Variants in TMEM233 observed in about 807,000 individuals in gnomAD.
TMEM233 encodes the protein transmembrane protein 233, also known as dispanin subfamily B member 2.
TMEM233 carries 6 observed loss-of-function variants against 11.2 expected under a neutral mutation model. The observed-to-expected ratio is 0.54, with a 90% CI of 0.29 to 1.06. The LOEUF (loss-of-function observed/expected upper bound fraction) is 1.06, where lower values mean the gene tolerates loss of function less well. Among genes scored for constraint, TMEM233 ranks in the 50% least tolerant of loss-of-function variants. The probability of loss-of-function intolerance (pLI) is 0.08; values close to 1 mark genes in which losing one functional copy is unlikely to be tolerated. For missense variants in TMEM233, 127 were observed against 144.7 expected, an observed-to-expected ratio of 0.88 and a Z score of 0.63; for synonymous variants, 59 against 55.8, an observed-to-expected ratio of 1.06 and a Z score of -0.26.
the TMEM233 span, among the ~76,000 whole-genome samples, chr12:119,648,517 A>G: frequency 6.6e-6 from 1 of 152,240 alleles, no homozygotes; most frequent in African/African-American, 2.4e-5. Flanking sequence ...CAACGTTTCA[A>G]GAACATGAGG....
chr12:119,601,772 T>C (rs1463562276), intron 1 of TMEM233, among the ~76,000 whole-genome samples: 1 of 150,770 alleles, frequency 6.6e-6, no homozygotes, highest in Non-Finnish European at 1.5e-5. Flanking sequence ...GAGAGAAAAA[T>C]AAAGACATTT....
chr12:119,615,156 G>A, intron 1 of TMEM233, among the ~76,000 whole-genome samples: 1 of 110,920 alleles, frequency 9.0e-6, no homozygotes, highest in Admixed American at 1.1e-4. Flanking sequence ...TCAGGTCTCA[G>A]TCTACCCGCT....
At chr12:119,629,975 A>G (rs889797502) in intron 2 of TMEM233, 103 bp downstream of exon 2, 4 of 1,274,060 alleles carry the variant, frequency 3.1e-6, no homozygotes, top group Non-Finnish European at 4.2e-6. Flanking sequence ...AACAACCCCA[A>G]GCCAAAGGGT....
chr12:119,618,394 G>A (rs758251083), intron 1 of TMEM233, among the ~76,000 whole-genome samples: 73 of 152,278 alleles, frequency 4.8e-4, no homozygotes, highest in Non-Finnish European at 2.8e-4. Flanking sequence ...TGAGAAGAGG[G>A]CCACTGTCCT....
Position 119,626,472 on chromosome 12 carries a change from GA to G in TMEM233, c.187-3250del, listed in dbSNP as rs750511494. Among the ~76,000 whole-genome samples the G allele has an allele frequency of 1.3e-3, 31 of 24,138 alleles. 1 individual carries two copies. The highest frequency in any genetic ancestry group is 4.9e-3 in the East Asian group (5 of 1,022). The allele number at this position is 24,138 out of a possible 152,430, so 15.8% of individuals were successfully genotyped here. On this transcript the variant is annotated intron_variant, in intron 1 of 2. Transcript: ENST00000426426. ...GAAACAAAGCAAGACTCCGTCTCCGGAAAAAAAAAAAAAAGAAGAAAAAGGA... is the reference window on the plus strand; with the variant it reads ...GAAACAAAGCAAGACTCCGTCTCCGGAAAAAAAAAAAAAGAAGAAAAAGGA...
At chr12:119,644,887 A>G (rs1388977910), downstream of TMEM233, among the ~76,000 whole-genome samples, 1 of 152,218 alleles carries the variant, frequency 6.6e-6, no homozygotes, top group Non-Finnish European at 1.5e-5. Flanking sequence ...GCTGGTGGAA[A>G]TTCCAGAATG....
intron 2 of TMEM233, among the ~76,000 whole-genome samples, chr12:119,632,524 A>C (rs898068201): frequency 6.6e-6 from 1 of 152,208 alleles, no homozygotes; most frequent in African/African-American, 2.4e-5. Flanking sequence ...ATGTGTGATG[A>C]GTCAGGGCTA....
chr12:119,648,441 G>A, the TMEM233 span, among the ~76,000 whole-genome samples: 1 of 152,086 alleles, frequency 6.6e-6, no homozygotes, highest in East Asian at 1.9e-4. Context: ...CCTTCCTCCT[G>A]GCTAATGTCC....
At chr12:119,606,314 AACAGAG>A (rs67494761) in intron 1 of TMEM233, among the ~76,000 whole-genome samples, 111,608 of 150,882 alleles carry the variant, frequency 0.74, 41,793 homozygotes, top group Middle Eastern at 0.83. Context: ...GAAAGAAAGA[AACAGAG>A]ACAGAGACAG....
intron 2 of TMEM233, chr12:119,634,142 C>A: frequency 2.1e-6 from 1 of 475,738 alleles, no homozygotes; most frequent in Non-Finnish European, 2.7e-6. Flanking sequence ...GCTGTCTAAC[C>A]CAATGCTAGG....
intron 1 of TMEM233, among the ~76,000 whole-genome samples, chr12:119,620,485 C>A (rs968069250): frequency 5.3e-5 from 8 of 152,154 alleles, no homozygotes; most frequent in African/African-American, 2.4e-5. Flanking sequence ...GCATATTATG[C>A]AATCTCAACA....
At chr12:119,611,420 A>G (rs1207365526) in intron 1 of TMEM233, among the ~76,000 whole-genome samples, 2 of 152,124 alleles carry the variant, frequency 1.3e-5, no homozygotes, top group Non-Finnish European at 2.9e-5. Context: ...TTCCCCATTG[A>G]CTAATGATGT....
chr12:119,652,746 A>G, the TMEM233 span, among the ~76,000 whole-genome samples: 1 of 152,200 alleles, frequency 6.6e-6, no homozygotes, highest in African/African-American at 2.4e-5. Flanking sequence ...CAGAAAACAA[A>G]ACCAAACCAA....
chr12:119,634,401 A>G (rs1954936857), intron 2 of TMEM233: 2 of 316,118 alleles, frequency 6.3e-6, no homozygotes, highest in Non-Finnish European at 9.1e-6. Context: ...TGAGGCCAGG[A>G]GTTTAGGACC....
intron 1 of TMEM233, among the ~76,000 whole-genome samples, chr12:119,611,468 T>C (rs972663648): frequency 6.6e-6 from 1 of 152,204 alleles, no homozygotes; most frequent in Non-Finnish European, 1.5e-5. Flanking sequence ...TTGTATATTT[T>C]CTTCAAAGAA....
At chr12:119,627,513 T>C (rs544350820) in intron 1 of TMEM233, among the ~76,000 whole-genome samples, 10 of 152,256 alleles carry the variant, frequency 6.6e-5, no homozygotes, top group Non-Finnish European at 1.0e-4. Context: ...GGGAAAACAA[T>C]TGTGTCATGT....
chr12:119,627,977 C>T (rs1413925502), intron 1 of TMEM233, among the ~76,000 whole-genome samples: 1 of 149,104 alleles, frequency 6.7e-6, no homozygotes, highest in Admixed American at 6.7e-5. Flanking sequence ...TCTTAACAAC[C>T]TGCCCCTTAA....
In TMEM233 at chr12:119,642,973, T is replaced by G. The variant is rs757548912; in HGVS notation, c.*2268T>G. 6.6e-6 allele frequency: 1 copy of G among 152,222 alleles called. No individual in the cohort carries two copies. The highest frequency in any genetic ancestry group is 6.5e-5 in the Admixed American group (1 of 15,278). 9.4% of individuals were successfully genotyped at this position (152,222 alleles called of 1,614,324 possible). A position where few individuals can be genotyped will look rare whatever the true frequency, so the allele number is the denominator to read the frequency against. ...ACCCTGATTTCTGTTTCTGACATCC[T>G]GTTTTTTGTTTGTGCGTGTTTGGGT... On this transcript the variant is annotated 3_prime_UTR_variant, in exon 3 of 3. Transcript: ENST00000426426.
At chr12:119,610,808 T>C (rs909794648) in intron 1 of TMEM233, among the ~76,000 whole-genome samples, 3 of 152,156 alleles carry the variant, frequency 2.0e-5, no homozygotes, top group African/African-American at 7.2e-5. Context: ...AGCGTGAAAA[T>C]GGATTAATAC....
Sources: allele counts gnomAD v4.1 joint callset (sites outside exome capture counted in the v4.1 genomes callset), GRCh38; gene constraint gnomAD v4.1.1; transcripts MANE v1.5; gene names NCBI Gene and HGNC (gene_info 2026-07-23, HGNC 2026-07-21).